EML1: variants seen among roughly 807,000 people sequenced by gnomAD.
EML1 encodes echinoderm microtubule-associated protein-like 1.
EML1 carries 27 observed loss-of-function variants against 110.4 expected under a neutral mutation model. The observed-to-expected ratio is 0.24, with a 90% CI of 0.18 to 0.34. The LOEUF is 0.34. Ranked by LOEUF, EML1 falls within the 10% of genes least tolerant of loss-of-function variation. The probability of loss-of-function intolerance (pLI) is 1.00; values close to 1 mark genes in which losing one functional copy is unlikely to be tolerated. For synonymous variants in EML1, 344 were observed against 385.8 expected (o/e 0.89, Z 1.27); for missense variants, 741 against 1,030.9 (o/e 0.72, Z 3.85).
At chr14:99,754,022 T>C (rs2057214289) in intron 1 of EML1, among the ~76,000 whole-genome samples, 1 of 152,214 alleles carries the variant, frequency 6.6e-6, no homozygotes. Flanking sequence ...AAGACCCTCA[T>C]TGGCTCTGCT....
intron 1 of EML1, among the ~76,000 whole-genome samples, chr14:99,796,789 A>C (rs2057783270): frequency 6.6e-6 from 1 of 152,048 alleles, no homozygotes; most frequent in African/African-American, 2.4e-5. Context: ...ATTTTGAAGT[A>C]GGTGGTGTTA....
At chr14:99,886,982 C>T (rs982792476) in intron 4 of EML1, among the ~76,000 whole-genome samples, 5 of 152,234 alleles carry the variant, frequency 3.3e-5, no homozygotes, top group South Asian at 2.1e-4. Flanking sequence ...CTTAGACATA[C>T]GTGTTCACAG....
intron 16 of EML1, 127 bp downstream of exon 16, chr14:99,917,976 C>A: frequency 3.3e-6 from 3 of 905,320 alleles, no homozygotes; most frequent in South Asian, 3.3e-5. Context: ...AATGACTTAC[C>A]AAGAATTAAG....
chr14:99,753,988 GC>G (rs938434300), intron 1 of EML1, among the ~76,000 whole-genome samples: 1 of 152,104 alleles, frequency 6.6e-6, no homozygotes, highest in African/African-American at 2.4e-5. Flanking sequence ...TCCAACAAGG[GC>G]CCCCCACCCC....
chr14:99,805,039 T>C (rs11846963), intron 1 of EML1, among the ~76,000 whole-genome samples: 60,023 of 151,974 alleles, frequency 0.39, 12,310 homozygotes, highest in African/African-American at 0.48. Context: ...CAGCGTCCCT[T>C]CCTACCCCTT....
rs2139883524 is a variant in EML1 at position 99,865,415 on chromosome 14, G to A, written c.251-99G>A. On this transcript the variant is annotated intron_variant, in intron 2 of 21. Transcript: ENST00000262233. ...CTCACTGCTCACCTCCTCCTGCTGT[G>A]TGGCCTCATCTTCCTAACAGGCAGT... The A allele has an allele frequency of 2.7e-6, 4 of 1,478,442 alleles. No individual in the cohort carries two copies. The South Asian group carries it at 5.0e-5, about 18-fold the overall frequency. 91.6% of individuals were successfully genotyped at this position (1,478,442 alleles called of 1,614,324 possible). A position where few individuals can be genotyped will look rare whatever the true frequency, so the allele number is the denominator to read the frequency against.
intron 2 of EML1, among the ~76,000 whole-genome samples, chr14:99,860,461 T>A (rs1484175478): frequency 2.0e-5 from 3 of 152,184 alleles, no homozygotes; most frequent in African/African-American, 7.2e-5. Context: ...TGCTCCTCTT[T>A]CCTGTCATCT....
intron 1 of EML1, among the ~76,000 whole-genome samples, chr14:99,780,436 G>A (rs539627931): frequency 1.3e-5 from 2 of 152,152 alleles, no homozygotes; most frequent in East Asian, 3.9e-4. Flanking sequence ...TGGGGCAGAT[G>A]AGACTGTACC....
At chr14:99,748,965 A>T (rs2057144477) in intron 1 of EML1, among the ~76,000 whole-genome samples, 1 of 152,214 alleles carries the variant, frequency 6.6e-6, no homozygotes, top group Non-Finnish European at 1.5e-5. Context: ...TTTTGGGTTC[A>T]TTCGTGTTGG....
chr14:99,905,539 C>G lies in EML1; in HGVS notation c.1009-2099C>G, dbSNP rs28811568. On this transcript the variant is annotated intron_variant, in intron 9 of 21. Transcript: ENST00000262233. This position sits in a 1 kb window ranked among gnomAD's most constrained non-coding sequence, Gnocchi z 4.1. The stretch of plus-strand genomic sequence containing the variant: ...AGTTCAGGTGGCTGCCTGTTGATAA[C>G]GAAGGGATCTTTCCCAGCAGTCCCG... 6.6e-6 allele frequency among the ~76,000 whole-genome samples: 1 copy of G among 152,034 alleles called. No homozygotes were observed. The highest frequency in any genetic ancestry group is 1.5e-5 in the Non-Finnish European group (1 of 67,994).
At chr14:99,902,358 T>C (rs938733398) in intron 9 of EML1, among the ~76,000 whole-genome samples, 15 of 152,216 alleles carry the variant, frequency 9.9e-5, no homozygotes, top group African/African-American at 3.4e-4. Flanking sequence ...ACATTACCCA[T>C]TGCTTTTATT....
At chr14:99,919,980 C>T (rs540987618) in intron 16 of EML1, among the ~76,000 whole-genome samples, 15 of 152,140 alleles carry the variant, frequency 9.9e-5, no homozygotes, top group Non-Finnish European at 1.3e-4. Context: ...ATCCATTTAT[C>T]CTTATCCATT....
intron 1 of EML1, among the ~76,000 whole-genome samples, chr14:99,755,444 C>G (rs961890694): frequency 6.6e-6 from 1 of 152,180 alleles, no homozygotes; most frequent in Admixed American, 6.5e-5. Context: ...TCTCTCAGCC[C>G]TCCTCTTCTT....
intron 9 of EML1, among the ~76,000 whole-genome samples, chr14:99,902,198 C>A (rs537705590): frequency 6.6e-6 from 1 of 152,140 alleles, no homozygotes; most frequent in African/African-American, 2.4e-5. Flanking sequence ...GCAATATATT[C>A]CACAACAGTA....
intron 1 of EML1, among the ~76,000 whole-genome samples, chr14:99,755,314 G>A (rs903809166): frequency 9.2e-5 from 14 of 152,238 alleles, no homozygotes; most frequent in African/African-American, 3.4e-4. Context: ...GGCTGCCGGA[G>A]GGGCCTGAGA....
chr14:99,927,161 T>A (rs2060249387), intron 17 of EML1, among the ~76,000 whole-genome samples: 1 of 152,118 alleles, frequency 6.6e-6, no homozygotes, highest in Admixed American at 6.5e-5. Context: ...TTCAATTTAC[T>A]TTTTTTTAAC....
At chr14:99,862,198 A>G (rs2059013627) in intron 2 of EML1, among the ~76,000 whole-genome samples, 1 of 152,126 alleles carries the variant, frequency 6.6e-6, no homozygotes, top group Non-Finnish European at 1.5e-5. Context: ...GACTCAGCTT[A>G]TGGGCTTTAG....
chr14:99,819,044 A>T (rs2058217676), intron 1 of EML1, among the ~76,000 whole-genome samples: 1 of 151,634 alleles, frequency 6.6e-6, no homozygotes, highest in African/African-American at 2.4e-5. Flanking sequence ...GCCTTGAGAA[A>T]CTCCTGAGCT....
intron 3 of EML1, among the ~76,000 whole-genome samples, chr14:99,877,866 T>C (rs1012486091): frequency 1.3e-5 from 2 of 152,072 alleles, no homozygotes; most frequent in African/African-American, 4.8e-5. Flanking sequence ...TCCCCAGCTG[T>C]GGCAACAGAA....
Sources: allele counts gnomAD v4.1 joint callset (sites outside exome capture counted in the v4.1 genomes callset), GRCh38; gene constraint gnomAD v4.1.1; non-coding constraint Gnocchi (gnomAD v3.1); transcripts MANE v1.5; gene names NCBI Gene and HGNC (gene_info 2026-07-23, HGNC 2026-07-21).